The following KLHL12 variants were observed in gnomAD, a reference collection of about 807,000 sequenced individuals.
The protein encoded by KLHL12 is kelch-like protein 12.
Under a neutral mutation model 60.8 loss-of-function variants are expected in KLHL12, and 17 were observed. The observed-to-expected ratio is 0.28, with a 90% confidence interval of 0.19 to 0.42. KLHL12 has a LOEUF of 0.42. Among genes scored for constraint, KLHL12 ranks in the 10% least tolerant of loss-of-function variants. The pLI, the probability that KLHL12 is intolerant of heterozygous loss-of-function variation, is 1.00. For missense variants in KLHL12, 468 were observed against 722.3 expected (o/e 0.65, Z 4.04); for synonymous variants, 220 against 250.9 (o/e 0.88, Z 1.16).
intron 4 of KLHL12, chr1:202,912,183 T>C (rs2102437768): frequency 1.1e-6 from 1 of 914,492 alleles, no homozygotes; most frequent in Non-Finnish European, 1.8e-6. Flanking sequence ...ACCTAAGAGA[T>C]AATTTGAACA....
At chr1:202,913,378 A>AT (rs1660423658) in intron 4 of KLHL12, among the ~76,000 whole-genome samples, 2 of 152,204 alleles carry the variant, frequency 1.3e-5, no homozygotes, top group Admixed American at 1.3e-4. Flanking sequence ...CTGTGAATAG[A>AT]TAAAAAAAAC....
rs1553236586 is a variant in KLHL12, at chr1:202,903,629, C to CTTTTTTTTTTCTTTT, written c.832+5380_832+5381insAAAAGAAAAAAAAAA. The stretch of plus-strand genomic sequence containing the variant: ...CTGGGACCACTAATTTTTTTCTTTT[C>CTTTTTTTTTTCTTTT]TTTTTTTTTTTGAAACGGCGTCTTG... On this transcript the variant is annotated intron_variant, in intron 6 of 11. Coordinates refer to ENST00000367261, the MANE Select transcript of KLHL12 (RefSeq NM_021633.4). 9.2e-5 allele frequency among the ~76,000 whole-genome samples: 7 copies of CTTTTTTTTTTCTTTT among 76,092 alleles called. 1 individual carries two copies. Among genetic ancestry groups the CTTTTTTTTTTCTTTT allele is most frequent in the African/African-American group, 3.1e-4 (7 of 22,368 alleles). The allele number at this position is 76,092 out of a possible 152,430, so 49.9% of individuals were successfully genotyped here. A position where few individuals can be genotyped will look rare whatever the true frequency, so the allele number is the denominator to read the frequency against.
chr1:202,902,672 C>T (rs950704628), intron 6 of KLHL12, among the ~76,000 whole-genome samples: 2 of 151,946 alleles, frequency 1.3e-5, no homozygotes, highest in South Asian at 4.1e-4. Context: ...GGGAAGAATG[C>T]TGAGTAATGA....
chr1:202,911,330 G>A, intron 4 of KLHL12, 127 bp from the exon 5 acceptor site: 9 of 1,055,536 alleles, frequency 8.5e-6, no homozygotes, highest in Non-Finnish European at 1.2e-5. Context: ...CCATCTTCCA[G>A]AAATAGCTAG....
intron 6 of KLHL12, among the ~76,000 whole-genome samples, chr1:202,899,573 C>G (rs1659941822): frequency 6.6e-6 from 1 of 151,998 alleles, no homozygotes; most frequent in African/African-American, 2.4e-5. Flanking sequence ...TGCCTGTAAT[C>G]CTAGCACTTT....
In KLHL12 at chr1:202,893,645, GTTCTC is replaced by G. The variant is rs1378978250; in HGVS notation, c.1394-225_1394-221del. Among the ~76,000 whole-genome samples, 2 of 152,098 alleles carry G rather than the reference GTTCTC, an allele frequency of 1.3e-5. No individual in the cohort carries two copies. Among genetic ancestry groups the G allele is most frequent in the Non-Finnish European group, 2.9e-5 (2 of 68,020 alleles). On this transcript the variant is annotated intron_variant, in intron 10 of 11. Coordinates refer to ENST00000367261, the MANE Select transcript of KLHL12 (RefSeq NM_021633.4). The surrounding 1 kb of genome is among the most constrained non-coding windows in gnomAD (Gnocchi z 4.1). ...TGATAAAAGATAAATAATAAAAATG[GTTCTC>G]TTCTTTACTTTCATTAACTCAGAGC...
intron 6 of KLHL12, among the ~76,000 whole-genome samples, chr1:202,907,050 T>TAG (rs1304206661): frequency 6.6e-6 from 1 of 152,198 alleles, no homozygotes. Context: ...AATATTCTCA[T>TAG]AGTTTTTCAC....
At position 202,918,306 on chromosome 1, in the gene KLHL12, G is replaced by T. The variant is rs997035899; in HGVS notation, c.432C>A (p.Thr144=). The T allele has an allele frequency of 6.2e-7, 1 of 1,613,976 alleles. No individual in the cohort carries two copies. Among genetic ancestry groups the T allele is most frequent in the African/African-American group, 1.3e-5 (1 of 74,890 alleles). The change falls in exon 4 of 12, where the codon ACC becomes ACA. Residue 144 remains threonine (T), a synonymous_variant. Coordinates refer to ENST00000367261, the MANE Select transcript of KLHL12 (RefSeq NM_021633.4). ...NCLGIRDFAE[T]HNCVDLMQAA... is the part of the protein sequence containing the mutation. The stretch of plus-strand genomic sequence containing the variant: ...CTTGCATCAGGTCAACACAATTGTG[G>T]GTTTCAGCAAAATCCCTAATACCCA...
At chr1:202,922,094 A>G (rs1660711087) in intron 2 of KLHL12, among the ~76,000 whole-genome samples, 1 of 152,218 alleles carries the variant, frequency 6.6e-6, no homozygotes, top group African/African-American at 2.4e-5. Flanking sequence ...AATAAACTAC[A>G]TTTCCATCAA....
intron 7 of KLHL12, among the ~76,000 whole-genome samples, chr1:202,896,362 T>A (rs1258519900): frequency 2.0e-5 from 3 of 152,086 alleles, no homozygotes; most frequent in African/African-American, 7.2e-5. Flanking sequence ...ATTTTTTTGT[T>A]TACTTTTTTG....
chr1:202,892,769 G>C (rs1374812141), intron 11 of KLHL12, 110 bp from the exon 12 acceptor site: 1 of 1,120,554 alleles, frequency 8.9e-7, no homozygotes, highest in Non-Finnish European at 1.3e-6. Context: ...TTAAGCCCAG[G>C]AGGGAATTTG....
rs534497940 is a variant in KLHL12, at chr1:202,927,200, C to G, written c.-157G>C. The G allele has an allele frequency of 1.0e-6, 1 of 985,200 alleles. No homozygotes were observed. The highest frequency in any genetic ancestry group is 4.7e-5 in the South Asian group (1 of 21,280). The allele number at this position is 985,200 out of a possible 1,614,324, so 61.0% of individuals were successfully genotyped here. A position where few individuals can be genotyped will look rare whatever the true frequency, so the allele number is the denominator to read the frequency against. On this transcript the variant is annotated 5_prime_UTR_variant, in exon 1 of 12. Coordinates refer to ENST00000367261, the MANE Select transcript of KLHL12 (RefSeq NM_021633.4). ...GAGGAGCCGAAGCGCCGCCCAGACC[C>G]GGAGGCTCTGGAGGCTCTGGAGCCG...
chr1:202,898,285 G>A (rs1262059754), intron 6 of KLHL12, among the ~76,000 whole-genome samples: 2 of 152,140 alleles, frequency 1.3e-5, no homozygotes, highest in Non-Finnish European at 2.9e-5. Context: ...AGAATAGTTA[G>A]CTGGAGCTTT....
At chr1:202,921,118 C>T (rs1297479983) in intron 2 of KLHL12, among the ~76,000 whole-genome samples, 3 of 151,906 alleles carry the variant, frequency 2.0e-5, no homozygotes, top group Non-Finnish European at 4.4e-5. Flanking sequence ...TCAAGTGTTT[C>T]TCGTGCCTCA....
At chr1:202,914,410 T>C (rs1017795405) in intron 4 of KLHL12, among the ~76,000 whole-genome samples, 24 of 152,194 alleles carry the variant, frequency 1.6e-4, no homozygotes, top group Admixed American at 1.3e-3. Context: ...GGGGAGGGTA[T>C]AGAAGATGTC....
At chr1:202,902,865 C>T (rs896624746) in intron 6 of KLHL12, among the ~76,000 whole-genome samples, 8 of 151,976 alleles carry the variant, frequency 5.3e-5, no homozygotes, top group African/African-American at 1.9e-4. Context: ...GTGGTGCACA[C>T]CTGTAGTCCC....
At chr1:202,904,381 TATTCA>T (rs2102422372) in intron 6 of KLHL12, among the ~76,000 whole-genome samples, 1 of 152,338 alleles carries the variant, frequency 6.6e-6, no homozygotes, top group Non-Finnish European at 1.5e-5. Flanking sequence ...TTTTTTTATT[TATTCA>T]AATATGTTTT....
At chr1:202,920,227 T>C (rs1281808462) in intron 2 of KLHL12, among the ~76,000 whole-genome samples, 3 of 151,698 alleles carry the variant, frequency 2.0e-5, no homozygotes, top group African/African-American at 4.8e-5. Flanking sequence ...GGCAGGAGAA[T>C]TGCTTCAACC....
intron 3 of KLHL12, among the ~76,000 whole-genome samples, chr1:202,918,759 TA>T (rs1233721778): frequency 6.6e-6 from 1 of 152,212 alleles, no homozygotes; most frequent in Non-Finnish European, 1.5e-5. Flanking sequence ...GAAAACTTAC[TA>T]AAAGACTAGA....
Sources: gnomAD v4.1 joint callset for allele counts (sites outside exome capture counted in the v4.1 genomes callset) on GRCh38, gnomAD v4.1.1 for gene constraint, Gnocchi (gnomAD v3.1) non-coding constraint, MANE v1.5 for transcripts, NCBI Gene and HGNC (gene_info 2026-07-23, HGNC 2026-07-21) for gene names.